The following TGFBR3 variants were observed in gnomAD, a reference collection of about 807,000 sequenced individuals.
TGFBR3 encodes transforming growth factor beta receptor 3.
Under a neutral mutation model 87.9 loss-of-function variants are expected in TGFBR3, and 46 were observed. The observed-to-expected ratio is 0.52, with a 90% CI of 0.41 to 0.67. TGFBR3 has a LOEUF of 0.67. Among genes scored for constraint, TGFBR3 ranks in the 30% least tolerant of loss-of-function variants. The pLI is 0.00. For missense variants in TGFBR3, 866 were observed against 1,041.9 expected (o/e 0.83, Z 2.32); for synonymous variants, 381 against 391.6 (o/e 0.97, Z 0.32).
chr1:91,783,709 C>A (rs1221956763), intron 3 of TGFBR3, among the ~76,000 whole-genome samples: 1 of 152,012 alleles, frequency 6.6e-6, no homozygotes, highest in Non-Finnish European at 1.5e-5. Context: ...AGACTTGAGT[C>A]CAGAGTAAAC....
At chr1:91,692,244 G>T (rs1004288111) in intron 16 of TGFBR3, among the ~76,000 whole-genome samples, 1 of 152,138 alleles carries the variant, frequency 6.6e-6, no homozygotes, top group Non-Finnish European at 1.5e-5. Context: ...GAGGTCTAGA[G>T]CAAAGGTGTA....
chr1:91,708,122 C>G (rs1306242445), intron 14 of TGFBR3, among the ~76,000 whole-genome samples: 2 of 152,150 alleles, frequency 1.3e-5, no homozygotes, highest in Non-Finnish European at 2.9e-5. Context: ...ATGCTTGGCT[C>G]CAAGCAACAA....
At chr1:91,691,676 A>C (rs1458183511) in intron 16 of TGFBR3, among the ~76,000 whole-genome samples, 1 of 152,244 alleles carries the variant, frequency 6.6e-6, no homozygotes, top group Non-Finnish European at 1.5e-5. Flanking sequence ...AAGTGAAGGG[A>C]ATGCACAGAA....
intron 8 of TGFBR3, among the ~76,000 whole-genome samples, chr1:91,721,230 A>G (rs1186753235): frequency 2.6e-5 from 4 of 152,190 alleles, no homozygotes; most frequent in Non-Finnish European, 5.9e-5. Flanking sequence ...TTTAATTTGT[A>G]CTTTCACGAA....
chr1:91,877,345 A>G (rs1678846466), intron 1 of TGFBR3, among the ~76,000 whole-genome samples: 1 of 151,812 alleles, frequency 6.6e-6, no homozygotes. Context: ...TGGTGGGGGT[A>G]GGGACAAGGT....
intron 4 of TGFBR3, 100 bp from the exon 5 acceptor site, chr1:91,735,059 C>T (rs1363105529): frequency 7.2e-7 from 1 of 1,383,556 alleles, no homozygotes. Context: ...GTAAATCGAA[C>T]CTCTTCCCTT....
intron 2 of TGFBR3, among the ~76,000 whole-genome samples, chr1:91,836,402 G>A (rs551839365): frequency 6.9e-6 from 1 of 144,998 alleles, no homozygotes; most frequent in African/African-American, 2.6e-5. Flanking sequence ...CAGGGAGATG[G>A]ATATTATCTC....
chr1:91,705,223 T>C (rs1671756364), intron 14 of TGFBR3, among the ~76,000 whole-genome samples: 2 of 125,344 alleles, frequency 1.6e-5, no homozygotes, highest in Admixed American at 1.7e-4. Flanking sequence ...ACAGTCTCTT[T>C]TCTTTTTTTT....
At chr1:91,839,678 C>T (rs1443435604) in intron 2 of TGFBR3, among the ~76,000 whole-genome samples, 1 of 152,110 alleles carries the variant, frequency 6.6e-6, no homozygotes, top group African/African-American at 2.4e-5. Context: ...GGACATTCTC[C>T]AGTAGTTCCC....
intron 13 of TGFBR3, among the ~76,000 whole-genome samples, chr1:91,709,160 T>C (rs1671895534): frequency 6.6e-6 from 1 of 152,226 alleles, no homozygotes; most frequent in South Asian, 2.1e-4. Flanking sequence ...TTGGTGATTG[T>C]GGGAAATTTC....
chr1:91,741,129 G>A (rs991252270), intron 4 of TGFBR3, among the ~76,000 whole-genome samples: 1 of 152,156 alleles, frequency 6.6e-6, no homozygotes, highest in Non-Finnish European at 1.5e-5. Context: ...AGGTCAGACC[G>A]CACAGATTAA....
At chr1:91,793,805 C>CAA (rs57943201) in intron 3 of TGFBR3, among the ~76,000 whole-genome samples, 1,075 of 98,772 alleles carry the variant, frequency 0.011, 27 homozygotes, top group African/African-American at 0.029. Context: ...GACTCTGTCT[C>CAA]AAAAAAAAAA....
At chr1:91,752,285 A>C (rs1000813076) in intron 4 of TGFBR3, among the ~76,000 whole-genome samples, 21 of 152,198 alleles carry the variant, frequency 1.4e-4, no homozygotes, top group Admixed American at 5.2e-4. Context: ...TATTTATCTG[A>C]AATTCAACTT....
rs1185881631 is a variant in TGFBR3 at position 91,755,320 on chromosome 1, C to T, written c.384+3293G>A. Among the ~76,000 whole-genome samples the T allele has an allele frequency of 2.0e-5, 3 of 152,128 alleles. No individual in the cohort carries two copies. The East Asian group carries it at 5.8e-4, about 29-fold the overall frequency. ...AGGCCACAGAGAGGAAGGGAAAAGC[C>T]TGCCCAAGGAGAGTGGCCCAGCTTG... On this transcript the variant is annotated intron_variant, in intron 4 of 16. Transcript: ENST00000212355.
chr1:91,807,107 T>C (rs1302879563), intron 2 of TGFBR3, among the ~76,000 whole-genome samples: 2 of 152,318 alleles, frequency 1.3e-5, no homozygotes, highest in African/African-American at 2.4e-5. Flanking sequence ...GTTTGTACCA[T>C]CTCAAATTAC....
chr1:91,770,432 A>G (rs1262618641), intron 3 of TGFBR3, among the ~76,000 whole-genome samples: 1 of 152,176 alleles, frequency 6.6e-6, no homozygotes, highest in Non-Finnish European at 1.5e-5. Context: ...TAAATAAGAA[A>G]CTACAGCATA....
At chr1:91,742,434 A>C (rs558809331) in intron 4 of TGFBR3, among the ~76,000 whole-genome samples, 30 of 152,360 alleles carry the variant, frequency 2.0e-4, no homozygotes, top group African/African-American at 7.0e-4. Flanking sequence ...TAATTGATTC[A>C]TTCCCATTAC....
At chr1:91,873,923 C>T (rs1356345657) in intron 1 of TGFBR3, among the ~76,000 whole-genome samples, 1 of 150,966 alleles carries the variant, frequency 6.6e-6, no homozygotes, top group Non-Finnish European at 1.5e-5. Context: ...GCACTCTAGC[C>T]TGGGTGACAG....
rs568198979 is a variant in TGFBR3, at chr1:91,873,647, T to C, written c.-113-12003A>G. Among the ~76,000 whole-genome samples the C allele has an allele frequency of 2.0e-5, 3 of 152,210 alleles. No individual in the cohort carries two copies. The South Asian group carries it at 6.2e-4, about 32-fold the overall frequency. On this transcript the variant is annotated intron_variant, in intron 1 of 16. Coordinates refer to ENST00000212355, the MANE Select transcript of TGFBR3 (RefSeq NM_003243.5). Reference sequence around the variant, plus strand: ...CTGAGTGCACCTATAACTGGGGCTATAAGAAATCCATAAAATGGGCTGAGC... The same window carrying C: ...CTGAGTGCACCTATAACTGGGGCTACAAGAAATCCATAAAATGGGCTGAGC...
Sources: allele counts gnomAD v4.1 joint callset (sites outside exome capture counted in the v4.1 genomes callset), GRCh38; gene constraint gnomAD v4.1.1; transcripts MANE v1.5; gene names NCBI Gene and HGNC (gene_info 2026-07-23, HGNC 2026-07-21).